Variants in TFEC observed in about 807,000 individuals in gnomAD.
TFEC encodes transcription factor EC, also known as class E basic helix-loop-helix protein 34.
Under a neutral mutation model 41.6 loss-of-function variants are expected in TFEC, and 31 were observed. The ratio of observed to expected loss-of-function variants is 0.74; its 90% CI spans 0.56 to 1.01. The LOEUF (loss-of-function observed/expected upper bound fraction) is 1.01. Ranked by LOEUF, TFEC falls within the 50% of genes least tolerant of loss-of-function variation. The pLI, the probability that TFEC is intolerant of heterozygous loss-of-function variation, is 0.00. For synonymous variants in TFEC, 143 were observed against 140.6 expected (o/e 1.02, Z -0.12); for missense variants, 402 against 404.1 (o/e 0.99, Z 0.04).
chr7:116,149,995 G>A (rs1023176683), intron 1 of TFEC, among the ~76,000 whole-genome samples: 1 of 152,124 alleles, frequency 6.6e-6, no homozygotes, highest in Non-Finnish European at 1.5e-5. Flanking sequence ...ATGGAAATTT[G>A]ACAAAACCAA....
chr7:115,947,848 A>G (rs891106981), intron 6 of TFEC, among the ~76,000 whole-genome samples: 20 of 152,150 alleles, frequency 1.3e-4, no homozygotes, highest in African/African-American at 4.8e-4. Context: ...AACTAAAATC[A>G]GAGCAGAACT....
At chr7:116,019,737 T>C (rs1429405470) in intron 1 of TFEC, among the ~76,000 whole-genome samples, 2 of 152,188 alleles carry the variant, frequency 1.3e-5, no homozygotes, top group African/African-American at 4.8e-5. Context: ...TACAGTATTT[T>C]GCTATTTACA....
intron 2 of TFEC, among the ~76,000 whole-genome samples, chr7:115,981,531 A>T (rs1793630112): frequency 6.6e-6 from 1 of 152,220 alleles, no homozygotes; most frequent in South Asian, 2.1e-4. Flanking sequence ...GCAGAAATTC[A>T]TCTTAGGAGC....
chr7:115,950,168 C>A (rs1791854883), intron 6 of TFEC, among the ~76,000 whole-genome samples: 1 of 151,878 alleles, frequency 6.6e-6, no homozygotes, highest in Admixed American at 6.6e-5. Flanking sequence ...TGCACCACCA[C>A]ACCTGGCTAA....
rs142620354 is a variant in TFEC, at chr7:115,964,377, G to T, written c.268-7584C>A. Among the ~76,000 whole-genome samples the T allele has an allele frequency of 1.5e-3, 226 of 151,502 alleles. 2 individuals are homozygous for T. The highest frequency in any genetic ancestry group is 2.0e-3 in the Non-Finnish European group (136 of 67,640). On this transcript the variant is annotated intron_variant, in intron 3 of 7. Coordinates refer to ENST00000265440, the MANE Select transcript of TFEC (RefSeq NM_012252.4). ...CTTCCAAACAACTTTAAAGGCAAGC[G>T]GGAATATGTCCCAATTCACTGACAC...
intron 1 of TFEC, among the ~76,000 whole-genome samples, chr7:116,022,707 T>C (rs1435627750): frequency 1.3e-5 from 2 of 152,180 alleles, no homozygotes; most frequent in Non-Finnish European, 2.9e-5. Flanking sequence ...ATTCGACTTC[T>C]TTTTTACAGG....
chr7:116,081,430 G>A (rs1185287336), intron 3 of TFEC, among the ~76,000 whole-genome samples: 6 of 152,004 alleles, frequency 3.9e-5, no homozygotes, highest in South Asian at 2.1e-4. Flanking sequence ...TCAGCTGTCC[G>A]TATCAAATCC....
chr7:116,040,816 C>G (rs968709172), intron 3 of TFEC, among the ~76,000 whole-genome samples: 2 of 152,138 alleles, frequency 1.3e-5, no homozygotes, highest in Non-Finnish European at 1.5e-5. Flanking sequence ...ATACTCCATG[C>G]ATGGCCTCTG....
At chr7:116,022,196 C>T (rs1795422804) in intron 1 of TFEC, among the ~76,000 whole-genome samples, 1 of 152,182 alleles carries the variant, frequency 6.6e-6, no homozygotes, top group Non-Finnish European at 1.5e-5. Flanking sequence ...ACTTAGAACT[C>T]AGTGGAGGGT....
chr7:116,000,288 C>T (rs555914497), intron 1 of TFEC, among the ~76,000 whole-genome samples: 18 of 152,074 alleles, frequency 1.2e-4, no homozygotes, highest in African/African-American at 4.3e-4. Flanking sequence ...CCTCAAAAAA[C>T]TGAATATAGA....
chr7:116,061,232 C>T (rs1003169449), intron 3 of TFEC, among the ~76,000 whole-genome samples: 2 of 152,024 alleles, frequency 1.3e-5, no homozygotes, highest in Admixed American at 6.6e-5. Flanking sequence ...TTTCAATAAT[C>T]ATAATGATGT....
At chr7:116,035,679 T>C (rs1442632518), upstream of TFEC, among the ~76,000 whole-genome samples, 2 of 152,060 alleles carry the variant, frequency 1.3e-5, no homozygotes, top group African/African-American at 4.8e-5. Context: ...ACTACTAATA[T>C]ATAATAGACA....
intron 3 of TFEC, among the ~76,000 whole-genome samples, chr7:116,101,806 G>T (rs903633947): frequency 6.0e-4 from 91 of 152,106 alleles, no homozygotes; most frequent in African/African-American, 2.2e-3. Flanking sequence ...TGTCTGAAAT[G>T]GGATGCAAGT....
At chr7:116,086,788 A>G (rs1299553300) in intron 3 of TFEC, among the ~76,000 whole-genome samples, 1 of 151,960 alleles carries the variant, frequency 6.6e-6, no homozygotes, top group Non-Finnish European at 1.5e-5. Flanking sequence ...CACTATTTGT[A>G]AACTACTAGT....
chr7:115,974,450 A>AT (rs1491505885), intron 2 of TFEC, among the ~76,000 whole-genome samples, 194 bp from the exon 3 acceptor site: 7,851 of 24,770 alleles, frequency 0.32, 758 homozygotes, highest in Non-Finnish European at 0.37. Flanking sequence ...ATATATATAT[A>AT]AAAACACAGA....
chr7:116,023,025 A>C (rs1381809354), intron 1 of TFEC, among the ~76,000 whole-genome samples: 1 of 152,128 alleles, frequency 6.6e-6, no homozygotes, highest in African/African-American at 2.4e-5. Context: ...AAAATCTATT[A>C]AGAGCCCGTA....
chr7:116,145,886 C>A (rs115163152), intron 1 of TFEC, among the ~76,000 whole-genome samples: 247 of 152,240 alleles, frequency 1.6e-3, no homozygotes, highest in African/African-American at 5.7e-3. Flanking sequence ...CTTTAAGACT[C>A]AAGTATGGTA....
intron 1 of TFEC, among the ~76,000 whole-genome samples, chr7:116,152,196 C>T (rs888529262): frequency 1.3e-5 from 2 of 152,108 alleles, no homozygotes; most frequent in African/African-American, 4.8e-5. Flanking sequence ...TACCCTCATA[C>T]CTTAAACAAC....
intron 1 of TFEC, among the ~76,000 whole-genome samples, chr7:116,158,014 G>A (rs926416570): frequency 4.0e-5 from 6 of 151,760 alleles, no homozygotes; most frequent in Non-Finnish European, 5.9e-5. Flanking sequence ...TTAATATTTC[G>A]GAGCCACAAT....
Sources: allele counts gnomAD v4.1 joint callset (sites outside exome capture counted in the v4.1 genomes callset), GRCh38; gene constraint gnomAD v4.1.1; transcripts MANE v1.5; gene names NCBI Gene and HGNC (gene_info 2026-07-23, HGNC 2026-07-21).